The following KDM4C variants were observed in gnomAD, a reference collection of about 807,000 sequenced individuals.
The protein encoded by KDM4C is lysine demethylase 4C, also known as lysine-specific demethylase 4C.
KDM4C carries 81 observed loss-of-function variants against 129.3 expected under a neutral mutation model. The ratio of observed to expected loss-of-function variants is 0.63; its 90% CI spans 0.52 to 0.75. KDM4C has a LOEUF of 0.75. KDM4C is among the 30% of genes least tolerant of loss of function. The pLI, the probability that KDM4C is intolerant of heterozygous loss-of-function variation, is 0.00. For missense variants in KDM4C, 1,457 were observed against 1,304.0 expected (o/e 1.12, Z -1.81); for synonymous variants, 573 against 456.1 (o/e 1.26, Z -3.26).
intron 8 of KDM4C, among the ~76,000 whole-genome samples, chr9:6,972,097 T>C (rs371986323): frequency 1.2e-4 from 18 of 151,978 alleles, no homozygotes; most frequent in East Asian, 7.7e-4. Context: ...GAAGGGAAAA[T>C]AACAATGGGT....
At position 6,951,343 on chromosome 9, in the gene KDM4C, T is replaced by A. The variant is rs557573109; in HGVS notation, c.922-29582T>A. Among the ~76,000 whole-genome samples the A allele has an allele frequency of 2.3e-3, 358 of 152,356 alleles. 2 individuals are homozygous for A. The highest frequency in any genetic ancestry group is 8.4e-3 in the African/African-American group (350 of 41,590). On this transcript the variant is annotated intron_variant, in intron 8 of 21. Transcript: ENST00000381309. ...CCTTATATGCTTTTGAGTTATAAAT[T>A]AAAACCTGATAATAAACTCTGTCTT... is the stretch of plus-strand genomic sequence containing the variant.
In KDM4C at chr9:6,758,152, T is replaced by C; in HGVS notation, c.-69T>C. 1.0e-6 allele frequency: 1 copy of C among 985,660 alleles called. No individual in the cohort carries two copies. Among genetic ancestry groups the C allele is most frequent in the African/African-American group, 1.7e-5 (1 of 57,340 alleles). 61.1% of individuals were successfully genotyped at this position (985,660 alleles called of 1,614,324 possible). On this transcript the variant is annotated 5_prime_UTR_variant, in exon 1 of 22. Coordinates refer to ENST00000381309, the MANE Select transcript of KDM4C (RefSeq NM_015061.6). The surrounding 1 kb of genome is among the most constrained non-coding windows in gnomAD (Gnocchi z 4.6). ...AATCTCCCTGGGCCGGAGGCCACTG[T>C]CTTCTCTTCCTCCTCCACCGAGTCG...
intron 1 of KDM4C, among the ~76,000 whole-genome samples, chr9:6,737,030 G>A (rs1404689494): frequency 1.6e-5 from 2 of 121,312 alleles, no homozygotes; most frequent in Non-Finnish European, 3.2e-5. Flanking sequence ...CAGACTGGGC[G>A]ACACAGCGAG....
intron 1 of KDM4C, among the ~76,000 whole-genome samples, chr9:6,747,905 C>T (rs1247009404): frequency 1.3e-5 from 2 of 152,114 alleles, no homozygotes; most frequent in Non-Finnish European, 2.9e-5. Flanking sequence ...AGGCTGGGCG[C>T]TGTGGCTCAC....
chr9:6,820,932 C>T (rs1832929379), intron 4 of KDM4C, among the ~76,000 whole-genome samples: 2 of 149,508 alleles, frequency 1.3e-5, no homozygotes, highest in South Asian at 4.4e-4. Flanking sequence ...CAAGTGATCT[C>T]ATTGTTCAAT....
At chr9:6,863,308 T>C (rs1841309385) in intron 5 of KDM4C, among the ~76,000 whole-genome samples, 1 of 152,190 alleles carries the variant, frequency 6.6e-6, no homozygotes, top group African/African-American at 2.4e-5. Flanking sequence ...GTGGATTCCA[T>C]CTGACTTTCC....
At chr9:7,097,598 T>C (rs553812795) in intron 17 of KDM4C, among the ~76,000 whole-genome samples, 1 of 152,314 alleles carries the variant, frequency 6.6e-6, no homozygotes, top group African/African-American at 2.4e-5. Context: ...GCCCCTCTTC[T>C]AGATCTGCTC....
chr9:6,736,453 A>G (rs1250424756), intron 1 of KDM4C, among the ~76,000 whole-genome samples: 2 of 152,150 alleles, frequency 1.3e-5, no homozygotes, highest in Admixed American at 6.6e-5. Context: ...TGCTGTGTGC[A>G]GTCTAGGGAC....
intron 19 of KDM4C, among the ~76,000 whole-genome samples, chr9:7,132,301 T>C (rs1840727045): frequency 6.6e-6 from 1 of 152,354 alleles, no homozygotes; most frequent in South Asian, 2.1e-4. Context: ...AATCCTTTAA[T>C]GCAGGCTGGC....
At chr9:6,798,463 A>T (rs1471747264) in intron 2 of KDM4C, among the ~76,000 whole-genome samples, 1 of 152,064 alleles carries the variant, frequency 6.6e-6, no homozygotes, top group Non-Finnish European at 1.5e-5. Context: ...GCTGCCTTCA[A>T]GCATCTGTTT....
At chr9:7,093,403 G>T (rs930066742) in intron 17 of KDM4C, among the ~76,000 whole-genome samples, 3 of 152,046 alleles carry the variant, frequency 2.0e-5, no homozygotes, top group African/African-American at 7.2e-5. Flanking sequence ...CACGAAAAAA[G>T]AAAACGGAAA....
intron 5 of KDM4C, among the ~76,000 whole-genome samples, chr9:6,876,426 C>T (rs1339269998): frequency 6.6e-6 from 1 of 152,142 alleles, no homozygotes; most frequent in African/African-American, 2.4e-5. Context: ...TAGACTAGGT[C>T]TGACCGTGGT....
At chr9:7,067,838 C>A (rs944370724) in intron 17 of KDM4C, among the ~76,000 whole-genome samples, 2 of 151,978 alleles carry the variant, frequency 1.3e-5, no homozygotes, top group African/African-American at 4.8e-5. Flanking sequence ...CCCTGTTGCC[C>A]AGGATGGAGT....
intron 8 of KDM4C, among the ~76,000 whole-genome samples, chr9:6,931,125 C>T (rs59999598): frequency 0.042 from 6,374 of 151,156 alleles, 356 homozygotes; most frequent in African/African-American, 0.13. Context: ...TCTTCTCACC[C>T]CCCCCACACA....
At chr9:7,032,414 A>T (rs969245116) in intron 15 of KDM4C, among the ~76,000 whole-genome samples, 2 of 152,230 alleles carry the variant, frequency 1.3e-5, no homozygotes, top group African/African-American at 2.4e-5. Flanking sequence ...CTGATAATTG[A>T]TGTTAGAAAT....
At chr9:6,740,168 G>T (rs1366018619) in intron 1 of KDM4C, among the ~76,000 whole-genome samples, 1 of 151,908 alleles carries the variant, frequency 6.6e-6, no homozygotes, top group East Asian at 1.9e-4. Context: ...GGAATTACAG[G>T]TGTGCGACAC....
chr9:6,986,312 G>A, intron 10 of KDM4C, 32 bp from the exon 11 acceptor site: 6 of 1,475,388 alleles, frequency 4.1e-6, no homozygotes, highest in Middle Eastern at 1.9e-4. Flanking sequence ...TACAGTGCAT[G>A]ATTTATTAAC....
chr9:6,953,383 A>G (rs1314404040), intron 8 of KDM4C, among the ~76,000 whole-genome samples: 1 of 152,216 alleles, frequency 6.6e-6, no homozygotes, highest in Non-Finnish European at 1.5e-5. Context: ...GCTTTGACCT[A>G]TGGTTTGAAT....
intron 4 of KDM4C, chr9:6,834,852 A>G: frequency 7.3e-7 from 1 of 1,371,096 alleles, no homozygotes; most frequent in Non-Finnish European, 1.0e-6. Context: ...CCAGCCATGT[A>G]CATGGCCATC....
Sources: gnomAD v4.1 joint callset for allele counts (sites outside exome capture counted in the v4.1 genomes callset) on GRCh38, gnomAD v4.1.1 for gene constraint, Gnocchi (gnomAD v3.1) non-coding constraint, MANE v1.5 for transcripts, NCBI Gene and HGNC (gene_info 2026-07-23, HGNC 2026-07-21) for gene names.